PRICKLE1: variants seen among roughly 807,000 people sequenced by gnomAD.
The protein encoded by PRICKLE1 is prickle planar cell polarity protein 1, also known as prickle-like protein 1.
PRICKLE1 carries 14 observed loss-of-function variants against 70.2 expected under a neutral mutation model. The observed-to-expected ratio is 0.20, with a 90% CI of 0.13 to 0.31. The LOEUF is 0.31. PRICKLE1 is among the 10% of genes least tolerant of loss of function. The pLI is 1.00. For synonymous variants in PRICKLE1, 357 were observed against 379.9 expected (o/e 0.94, Z 0.70); for missense variants, 821 against 1,026.2 (o/e 0.80, Z 2.73).
chr12:42,571,302 TA>T (rs990883508), intron 1 of PRICKLE1, among the ~76,000 whole-genome samples: 15 of 151,154 alleles, frequency 9.9e-5, no homozygotes, highest in Admixed American at 3.3e-4. Context: ...AGTTTCAGAG[TA>T]AAAAAAAAGA....
rs182005978 is a variant in PRICKLE1 at position 42,491,121 on chromosome 12, C to T, written c.-48-18557G>A. On this transcript the variant is annotated intron_variant, in intron 1 of 7. Coordinates refer to ENST00000345127, the MANE Select transcript of PRICKLE1 (RefSeq NM_153026.3). ...AACTCCTGACCTCAGGGGATCTGCC[C>T]GCCTCAGCCTCCCAAAGTGCTGGGA... Among the ~76,000 whole-genome samples, 470 of 151,204 alleles carry T rather than the reference C, an allele frequency of 3.1e-3. 5 individuals carry two copies. Among genetic ancestry groups the T allele is most frequent in the Middle Eastern group, 3.5e-3 (1 of 288 alleles).
intron 1 of PRICKLE1, among the ~76,000 whole-genome samples, chr12:42,546,215 A>T (rs1189148587): frequency 6.6e-6 from 1 of 152,228 alleles, no homozygotes; most frequent in Non-Finnish European, 1.5e-5. Context: ...CCACCTCATT[A>T]ATATGTCTCA....
At chr12:42,492,083 C>A (rs779084977) in intron 1 of PRICKLE1, among the ~76,000 whole-genome samples, 1 of 151,446 alleles carries the variant, frequency 6.6e-6, no homozygotes, top group Non-Finnish European at 1.5e-5. Context: ...CGCGCCTGGC[C>A]TGCTCCATCT....
At chr12:42,461,967 T>C (rs1937860216) in intron 7 of PRICKLE1, among the ~76,000 whole-genome samples, 1 of 151,332 alleles carries the variant, frequency 6.6e-6, no homozygotes, top group South Asian at 2.1e-4. Flanking sequence ...CCTGGCTAAT[T>C]TGTTGTATTT....
chr12:42,478,680 G>A (rs899983913), intron 1 of PRICKLE1, among the ~76,000 whole-genome samples: 3 of 150,998 alleles, frequency 2.0e-5, no homozygotes, highest in Non-Finnish European at 4.4e-5. Context: ...GGTCACAAGG[G>A]AGGTGAGAAA....
At chr12:42,462,084 C>T (rs1036307159) in intron 7 of PRICKLE1, among the ~76,000 whole-genome samples, 1 of 152,022 alleles carries the variant, frequency 6.6e-6, no homozygotes, top group Non-Finnish European at 1.5e-5. Flanking sequence ...AGGTGTGAGC[C>T]ACCGCGCCCG....
intron 1 of PRICKLE1, among the ~76,000 whole-genome samples, chr12:42,473,873 A>G (rs1938418803): frequency 6.6e-6 from 1 of 152,218 alleles, no homozygotes; most frequent in Non-Finnish European, 1.5e-5. Flanking sequence ...ACAAGTGTAA[A>G]AGGCAGTGAA....
chr12:42,562,147 T>C (rs142147756), intron 1 of PRICKLE1, among the ~76,000 whole-genome samples: 41 of 152,178 alleles, frequency 2.7e-4, no homozygotes, highest in Middle Eastern at 3.4e-3. Flanking sequence ...TGACTTCAGG[T>C]GATCCGCTCG....
chr12:42,550,624 T>G (rs1940298841), intron 1 of PRICKLE1, among the ~76,000 whole-genome samples: 1 of 152,094 alleles, frequency 6.6e-6, no homozygotes, highest in South Asian at 2.1e-4. Context: ...ATTTACAGAG[T>G]TTTTGAACTG....
intron 7 of PRICKLE1, among the ~76,000 whole-genome samples, chr12:42,461,040 C>T (rs1208876163): frequency 6.6e-6 from 1 of 152,144 alleles, no homozygotes; most frequent in Non-Finnish European, 1.5e-5. Flanking sequence ...TGCCACCACA[C>T]CTGGCTACTT....
chr12:42,520,897 G>A (rs552628479), intron 1 of PRICKLE1, among the ~76,000 whole-genome samples: 73 of 152,280 alleles, frequency 4.8e-4, no homozygotes, highest in African/African-American at 1.4e-3. Context: ...TTAGCCAGGC[G>A]TGGTGGCTCA....
At chr12:42,579,770 C>T (rs879725366) in intron 1 of PRICKLE1, among the ~76,000 whole-genome samples, 8 of 152,054 alleles carry the variant, frequency 5.3e-5, no homozygotes, top group Admixed American at 4.6e-4. Flanking sequence ...CCAAATAAAA[C>T]AATAATAAAA....
Position 42,460,373 on chromosome 12 carries a change from G to A in PRICKLE1, c.1932C>T (p.Asp644=), listed in dbSNP as rs754215976. The A allele has an allele frequency of 1.2e-6, 2 of 1,614,146 alleles. No individual in the cohort carries two copies. Among genetic ancestry groups the A allele is most frequent in the African/African-American group, 1.3e-5 (1 of 75,030 alleles). The stretch of plus-strand genomic sequence containing the variant: ...TCATCGGAGGCTGCCGGATTTCAAT[G>A]TCATAGTTCCCATTGTCAATGACAT... ...SDDVIDNGNY[D]IEIRQPPMSE... Residue 644 remains aspartate, a synonymous_variant, in exon 8 of 8, where the codon GAC becomes GAT. Coordinates refer to ENST00000345127, the MANE Select transcript of PRICKLE1 (RefSeq NM_153026.3).
At chr12:42,569,235 T>G (rs2120743492) in intron 1 of PRICKLE1, among the ~76,000 whole-genome samples, 1 of 152,316 alleles carries the variant, frequency 6.6e-6, no homozygotes, top group East Asian at 1.9e-4. Flanking sequence ...CAGTAATTAA[T>G]TTAGCAATGG....
chr12:42,470,456 G>A, intron 2 of PRICKLE1, 97 bp from the exon 3 acceptor site: 13 of 861,298 alleles, frequency 1.5e-5, no homozygotes, highest in Non-Finnish European at 2.5e-5. Flanking sequence ...TACAGGGTTT[G>A]GCCTCTTGTA....
At chr12:42,537,424 C>A (rs1566118070) in intron 1 of PRICKLE1, among the ~76,000 whole-genome samples, 1 of 152,152 alleles carries the variant, frequency 6.6e-6, no homozygotes, top group Non-Finnish European at 1.5e-5. Flanking sequence ...CTCTGTCTCC[C>A]AAAGTGCTGG....
chr12:42,470,161 G>A, intron 3 of PRICKLE1, 85 bp downstream of exon 3: 1 of 978,368 alleles, frequency 1.0e-6, no homozygotes, highest in Non-Finnish European at 1.6e-6. Flanking sequence ...CGCCAGTGAG[G>A]AGTTGGGGTT....
chr12:42,493,569 C>T (rs1364917716), intron 1 of PRICKLE1, among the ~76,000 whole-genome samples: 1 of 152,126 alleles, frequency 6.6e-6, no homozygotes, highest in Non-Finnish European at 1.5e-5. Context: ...CTTCTATTCC[C>T]AGTTTGTTTA....
chr12:42,537,410 C>T (rs184453448), intron 1 of PRICKLE1, among the ~76,000 whole-genome samples: 9 of 152,290 alleles, frequency 5.9e-5, no homozygotes, highest in Admixed American at 3.9e-4. Context: ...AGCGACCATC[C>T]TGCCTCTGTC....
Sources: allele counts gnomAD v4.1 joint callset (sites outside exome capture counted in the v4.1 genomes callset), GRCh38; gene constraint gnomAD v4.1.1; transcripts MANE v1.5; gene names NCBI Gene and HGNC (gene_info 2026-07-23, HGNC 2026-07-21).